Variants in PHF11 observed in about 807,000 individuals in gnomAD.
The protein encoded by PHF11 is PHD finger protein 11, also known as BRCA1 C-terminus-associated protein.
In PHF11, 38 loss-of-function variants were observed where a neutral mutation model predicts 40.5. The observed-to-expected ratio is 0.94, with a 90% CI of 0.72 to 1.23. The LOEUF is 1.23. Among genes scored for constraint, PHF11 ranks in the 50% most tolerant of loss-of-function variants. PHF11 has a pLI of 0.00. For synonymous variants in PHF11, 127 were observed against 138.2 expected (o/e 0.92, Z 0.57); for missense variants, 369 against 392.4 (o/e 0.94, Z 0.50).
intron 3 of PHF11, among the ~76,000 whole-genome samples, chr13:49,515,493 CACACACACACA>C (rs1196832095): frequency 8.5e-6 from 1 of 118,330 alleles, no homozygotes; most frequent in African/African-American, 3.3e-5. Context: ...CACACACACA[CACACACACACA>C]TTCTCCATCT....
intron 9 of PHF11, chr13:49,527,495 T>C (rs1352221550): frequency 6.6e-6 from 1 of 152,240 alleles, no homozygotes; most frequent in Admixed American, 6.5e-5. Flanking sequence ...CATTTTGGCT[T>C]CTATATTATA....
At chr13:49,526,191 GA>G in intron 8 of PHF11, 195 bp from the exon 9 acceptor site, 1 of 434,722 alleles carries the variant, frequency 2.3e-6, no homozygotes, top group Non-Finnish European at 4.0e-6. Flanking sequence ...AAAAAAAAAA[GA>G]AAAAAGAGAA....
chr13:49,521,206 A>C, intron 5 of PHF11: 1 of 1,102,628 alleles, frequency 9.1e-7, no homozygotes, highest in Non-Finnish European at 1.1e-6. Context: ...AAACTAAGAC[A>C]TGGGAAAAAG....
chr13:49,504,333 T>C (rs1332852171), intron 1 of PHF11, among the ~76,000 whole-genome samples: 3 of 151,448 alleles, frequency 2.0e-5, no homozygotes, highest in Non-Finnish European at 4.4e-5. Flanking sequence ...ATATCTGTGG[T>C]CCCAGCTACT....
At chr13:49,514,709 G>C (rs190568431) in intron 3 of PHF11, among the ~76,000 whole-genome samples, 8 of 151,424 alleles carry the variant, frequency 5.3e-5, no homozygotes, top group Non-Finnish European at 8.8e-5. Flanking sequence ...AGTGAGCTGT[G>C]ATCACACCAC....
At chr13:49,496,127 G>A in intron 1 of PHF11, 32 bp downstream of exon 1, 2 of 1,041,860 alleles carry the variant, frequency 1.9e-6, no homozygotes, top group African/African-American at 1.7e-5. Flanking sequence ...GGGCGGGCGG[G>A]CGGGGCTGGG....
At chr13:49,500,075 G>T (rs1247707048) in intron 1 of PHF11, among the ~76,000 whole-genome samples, 1 of 152,192 alleles carries the variant, frequency 6.6e-6, no homozygotes, top group Non-Finnish European at 1.5e-5. Flanking sequence ...GAATCACTGT[G>T]TTGTTTGAAT....
At chr13:49,517,291 C>T (rs528377901) in intron 3 of PHF11, among the ~76,000 whole-genome samples, 3 of 152,270 alleles carry the variant, frequency 2.0e-5, no homozygotes, top group East Asian at 3.9e-4. Context: ...TGTGCCCCCA[C>T]GTCATTCAGC....
chr13:49,520,401 C>T (rs1030010942), intron 4 of PHF11, among the ~76,000 whole-genome samples: 1 of 152,212 alleles, frequency 6.6e-6, no homozygotes, highest in East Asian at 1.9e-4. Flanking sequence ...TTGGAAGATA[C>T]TAATCAGTTC....
intron 2 of PHF11, among the ~76,000 whole-genome samples, chr13:49,508,452 G>T (rs957445936): frequency 4.7e-5 from 7 of 147,916 alleles, no homozygotes; most frequent in Middle Eastern, 3.5e-3. Flanking sequence ...CAATTATTTA[G>T]GTCTTTTATA....
At chr13:49,525,854 G>T (rs757665194) in intron 8 of PHF11, 3 of 449,428 alleles carry the variant, frequency 6.7e-6, no homozygotes, top group Non-Finnish European at 1.3e-5. Flanking sequence ...ATCCCACAGA[G>T]ATTCTGATTC....
At chr13:49,497,776 C>T (rs775776996) in intron 1 of PHF11, among the ~76,000 whole-genome samples, 1 of 152,200 alleles carries the variant, frequency 6.6e-6, no homozygotes, top group Non-Finnish European at 1.5e-5. Context: ...GACTCCTGCC[C>T]ATCTTAATGA....
intron 7 of PHF11, chr13:49,523,478 T>G (rs1959201570): frequency 3.9e-6 from 2 of 509,388 alleles, no homozygotes; most frequent in East Asian, 7.2e-5. Flanking sequence ...CTTCTATTAA[T>G]AAAGACACAG....
chr13:49,515,728 C>T (rs940184881), intron 3 of PHF11, among the ~76,000 whole-genome samples: 17 of 152,146 alleles, frequency 1.1e-4, no homozygotes, highest in African/African-American at 4.1e-4. Flanking sequence ...TACTGACACT[C>T]GCCCGACTGT....
In PHF11 at chr13:49,514,067, C is replaced by A. The variant is rs537161352; in HGVS notation, c.324+901C>A. On this transcript the variant is annotated intron_variant, in intron 3 of 9. Coordinates refer to ENST00000378319, the MANE Select transcript of PHF11 (RefSeq NM_001040443.3). ...AATCAGGGGTCAGCTCCTCATGGGT[C>A]ATAAGGGGGCTATTCAAGGAGGAAG... is the stretch of plus-strand genomic sequence containing the variant. Among the ~76,000 whole-genome samples the A allele has an allele frequency of 2.0e-5, 3 of 152,288 alleles. No individual in the cohort carries two copies. The South Asian group carries it at 6.2e-4, about 32-fold the overall frequency.
Position 49,528,627 on chromosome 13 carries a change from A to G in PHF11, c.958A>G (p.Met320Val). 1 of 1,610,688 alleles carries G rather than the reference A, an allele frequency of 6.2e-7. No homozygotes were observed. ...CTCTTTTCAAGAAAATAGAGATCTT[A>G]TGTCAAGTTCTACATCAATATCATC... Reference protein sequence around the residue: ...LCSFQENRDLMSSSTSISSLS... With the variant: ...LCSFQENRDLVSSSTSISSLS... Residue 320 changes from methionine (M) to valine (V), a missense_variant, in exon 10 of 10, where the codon ATG becomes GTG. Coordinates refer to ENST00000378319, the MANE Select transcript of PHF11 (RefSeq NM_001040443.3).
At chr13:49,508,255 AAT>A (rs1243293798) in intron 2 of PHF11, among the ~76,000 whole-genome samples, 1 of 129,806 alleles carries the variant, frequency 7.7e-6, no homozygotes, top group African/African-American at 2.9e-5. Context: ...ATATATTATT[AAT>A]GTGTTATGTA....
intron 2 of PHF11, among the ~76,000 whole-genome samples, chr13:49,511,980 T>C (rs1037668311): frequency 2.0e-5 from 3 of 152,220 alleles, no homozygotes; most frequent in Non-Finnish European, 4.4e-5. Context: ...AGTGTATGTT[T>C]AACCTTAAAA....
chr13:49,527,654 A>AT (rs1221170410), intron 9 of PHF11, among the ~76,000 whole-genome samples: 2 of 152,090 alleles, frequency 1.3e-5, no homozygotes, highest in African/African-American at 4.8e-5. Context: ...AGCCTTAAAA[A>AT]TTTTTTTCTA....
Sources: allele counts gnomAD v4.1 joint callset (sites outside exome capture counted in the v4.1 genomes callset), GRCh38; gene constraint gnomAD v4.1.1; transcripts MANE v1.5; gene names NCBI Gene and HGNC (gene_info 2026-07-23, HGNC 2026-07-21).